The following RPS19 variants were observed in gnomAD, a reference collection of about 807,000 sequenced individuals.
RPS19 encodes the protein ribosomal protein S19.
Under a neutral mutation model 20.3 loss-of-function variants are expected in RPS19, and 1 was observed. That is an observed-to-expected ratio of 0.05 (90% CI 0.02 to 0.23). The LOEUF (loss-of-function observed/expected upper bound fraction) is 0.23, where lower values mean the gene tolerates loss of function less well. Ranked by LOEUF, RPS19 falls within the 10% of genes least tolerant of loss-of-function variation. RPS19 has a pLI of 1.00. For synonymous variants in RPS19, 87 were observed against 74.8 expected (o/e 1.16, Z -0.84); for missense variants, 111 against 192.7 (o/e 0.58, Z 2.51).
chr19:41,861,063 A>C, intron 2 of RPS19, 49 bp from the exon 3 acceptor site: 1 of 1,395,270 alleles, frequency 7.2e-7, no homozygotes, highest in Non-Finnish European at 1.0e-6. Context: ...GATATGGGGT[A>C]GTTTGTGGAG....
Position 41,871,422 on chromosome 19 carries a change from G to T in RPS19, c.*45G>T, listed in dbSNP as rs923038070. ...ATAAATTGCCTCATTCGTAATCCTG[G>T]TCTGGGTCTCTTTTTTGAGTCTCTT... On this transcript the variant is annotated 3_prime_UTR_variant, in exon 6 of 6. Transcript: ENST00000598742. 5 of 1,584,254 alleles carry T rather than the reference G, an allele frequency of 3.2e-6. No homozygotes were observed. Among genetic ancestry groups the T allele is most frequent in the Non-Finnish European group, 3.5e-6 (4 of 1,153,994 alleles).
intron 3 of RPS19, chr19:41,863,802 G>A (rs2074057087): frequency 6.6e-6 from 1 of 151,468 alleles, no homozygotes; most frequent in South Asian, 2.1e-4. Flanking sequence ...GCCGCCATGG[G>A]TCTTTATGAA....
rs542269162 is a variant in RPS19, at chr19:41,871,236, C to T, written c.412-115C>T. On this transcript the variant is annotated intron_variant, in intron 5 of 5. Transcript: ENST00000598742. ...CAGTGAGAATTAGATGAGATAGATGCATTTGAAACCACAAATCGGGGTGCC... is the reference window on the plus strand; with the variant it reads ...CAGTGAGAATTAGATGAGATAGATGTATTTGAAACCACAAATCGGGGTGCC... 4.7e-6 allele frequency: 4 copies of T among 846,334 alleles called. No individual in the cohort carries two copies. The African/African-American group carries it at 5.0e-5, about 11-fold the overall frequency. The allele number at this position is 846,334 out of a possible 1,614,324, so 52.4% of individuals were successfully genotyped here. A position where few individuals can be genotyped will look rare whatever the true frequency, so the allele number is the denominator to read the frequency against.
chr19:41,861,044 G>A lies in RPS19; in HGVS notation c.72-68G>A. 6.4e-6 allele frequency: 8 copies of A among 1,245,752 alleles called. No homozygotes were observed. In the South Asian group the frequency reaches 9.6e-5, roughly 15 times the overall value. The allele number at this position is 1,245,752 out of a possible 1,614,324, so 77.2% of individuals were successfully genotyped here. The stretch of plus-strand genomic sequence containing the variant: ...CACAGCATAGTTGTGTTGAGGGGAG[G>A]GCATTTGGGATATGGGGTAGTTTGT... On this transcript the variant is annotated intron_variant, in intron 2 of 5. Transcript: ENST00000598742.
chr19:41,872,850 G>A lies in RPS19; in HGVS notation c.*1473G>A, dbSNP rs1275100037. ...GCGGAGGTTGCAGTGGGTTGAGATC[G>A]AGCAATTGCAATCCAGCCTGGGCAA... On this transcript the variant is annotated 3_prime_UTR_variant, in exon 6 of 6. Transcript: ENST00000598742. 2 of 152,150 alleles carry A rather than the reference G, an allele frequency of 1.3e-5. No individual in the cohort carries two copies. The highest frequency in any genetic ancestry group is 1.9e-4 in the East Asian group (1 of 5,202). The allele number at this position is 152,150 out of a possible 1,614,324, so 9.4% of individuals were successfully genotyped here.
rs550885885 is a variant in RPS19 at position 41,870,676 on chromosome 19, A to G, written c.412-675A>G. 9.2e-5 allele frequency among the ~76,000 whole-genome samples: 14 copies of G among 152,000 alleles called. No homozygotes were observed. The South Asian group carries it at 1.2e-3, about 14-fold the overall frequency. ...GAGCCTTGGAGCATTTAGTCAGTCA[A>G]GTGTCACAAAAGAATGGAAAGTGTC... is the stretch of plus-strand genomic sequence containing the variant. On this transcript the variant is annotated intron_variant, in intron 5 of 5. Transcript: ENST00000598742.
Position 41,860,779 on chromosome 19 carries a change from C to T in RPS19, c.5C>T (p.Pro2Leu), listed in dbSNP as rs781815831. The T allele has an allele frequency of 1.1e-5, 17 of 1,613,316 alleles. 1 individual carries two copies. The highest frequency in any genetic ancestry group is 1.6e-4 in the Middle Eastern group (1 of 6,080). Residue 2 changes from proline to leucine, a missense_variant, in exon 2 of 6, where the codon CCT becomes CTT. Transcript: ENST00000598742. ...ATGCTTGACTTTCTCCCTCAGATGC[C>T]TGGAGTTACTGTAAAAGACGTGAAC... M[P>L]GVTVKDVNQQ...
At chr19:41,864,217 G>A (rs2074061672) in intron 3 of RPS19, 1 of 152,278 alleles carries the variant, frequency 6.6e-6, no homozygotes, top group Non-Finnish European at 1.5e-5. Flanking sequence ...TTGGTGTCCT[G>A]GTGTGCGTCT....
At position 41,865,281 on chromosome 19, in the gene RPS19, C is replaced by G. The variant is rs188047660; in HGVS notation, c.173-3750C>G. Among the ~76,000 whole-genome samples, 68 of 151,760 alleles carry G rather than the reference C, an allele frequency of 4.5e-4. 2 individuals are homozygous for G. In the Middle Eastern group the frequency reaches 0.014, roughly 30 times the overall value. On this transcript the variant is annotated intron_variant, in intron 3 of 5. Transcript: ENST00000598742. The stretch of plus-strand genomic sequence containing the variant: ...TGGGGAGGCTGAGACAGAAGAATTG[C>G]TTGAACCCCGGAGGCAGAGGTTGCA...
chr19:41,866,397 T>C (rs528021021), intron 3 of RPS19, among the ~76,000 whole-genome samples: 1 of 152,318 alleles, frequency 6.6e-6, no homozygotes, highest in East Asian at 1.9e-4. Context: ...CAGCAGCTGC[T>C]GGGTATTTGA....
At chr19:41,861,026 T>C in intron 2 of RPS19, 86 bp from the exon 3 acceptor site, 1 of 1,139,162 alleles carries the variant, frequency 8.8e-7, no homozygotes, top group South Asian at 1.2e-5. Context: ...GGGCACAGCA[T>C]AGTTGTGTTG....
At chr19:41,862,413 G>A (rs2074041476) in intron 3 of RPS19, among the ~76,000 whole-genome samples, 1 of 152,094 alleles carries the variant, frequency 6.6e-6, no homozygotes, top group Admixed American at 6.6e-5. Flanking sequence ...CAGAAAATGG[G>A]GCGGATGAAG....
chr19:41,863,042 G>A (rs1045193467), intron 3 of RPS19, among the ~76,000 whole-genome samples: 5 of 152,156 alleles, frequency 3.3e-5, no homozygotes, highest in African/African-American at 1.2e-4. Flanking sequence ...TTTATTTTCA[G>A]GGACAGGGTC....
chr19:41,869,722 G>T lies in RPS19; in HGVS notation c.380G>T (p.Gly127Val). 6.2e-7 allele frequency: 1 copy of T among 1,614,148 alleles called. No homozygotes were observed. Among genetic ancestry groups the T allele is most frequent in the South Asian group, 1.1e-5 (1 of 91,082 alleles). ...QDGGRKLTPQ[G>V]QRDLDRIAGQ... ...AGCGGCCGCAAACTGACACCTCAGG[G>T]ACAAAGAGATCTGGACAGAATCGCC... Residue 127 changes from glycine to valine, a missense_variant, in exon 5 of 6, where the codon GGA becomes GTA. Transcript: ENST00000598742.
chr19:41,871,221 TAGATG>T (rs1555841949), intron 5 of RPS19, 125 bp from the exon 6 acceptor site: 7 of 807,656 alleles, frequency 8.7e-6, no homozygotes, highest in Non-Finnish European at 1.6e-5. Context: ...CAGTGAGAAT[TAGATG>T]AGATAGATGC....
rs936767674 is a variant in RPS19, at chr19:41,863,372, T to C, written c.172+2160T>C. On this transcript the variant is annotated intron_variant, in intron 3 of 5. Coordinates refer to ENST00000598742, the MANE Select transcript of RPS19 (RefSeq NM_001022.4). ...ACTGATCATGGGAGTGATCTTGTTT[T>C]ACCAAAGAGGAAGCTGTGGTGCAGA... is the stretch of plus-strand genomic sequence containing the variant. 4.6e-5 allele frequency among the ~76,000 whole-genome samples: 7 copies of C among 152,332 alleles called. No homozygotes were observed. In the East Asian group the frequency reaches 1.3e-3, roughly 29 times the overall value.
chr19:41,863,010 T>C (rs1432897093), intron 3 of RPS19, among the ~76,000 whole-genome samples: 1 of 152,170 alleles, frequency 6.6e-6, no homozygotes, highest in African/African-American at 2.4e-5. Flanking sequence ...GCCTGAAATA[T>C]TTCCTACCTG....
At position 41,861,143 on chromosome 19, in the gene RPS19, G is replaced by A. The variant is rs1568789006; in HGVS notation, c.103G>A (p.Asp35Asn). Residue 35 changes from aspartate (D) to asparagine (N), a missense_variant, in exon 3 of 6, where the codon GAT becomes AAT. By Grantham distance (23) the Asp-to-Asn change is conservative (BLOSUM62 1). Coordinates refer to ENST00000598742, the MANE Select transcript of RPS19 (RefSeq NM_001022.4). Reference sequence around the variant, plus strand: ...GAAGCTGAAAGTCCCCGAATGGGTGGATACCGTCAAGCTGGCCAAGCACAA... The same window carrying A: ...GAAGCTGAAAGTCCCCGAATGGGTGAATACCGTCAAGCTGGCCAAGCACAA... ...SGKLKVPEWVDTVKLAKHKEL... is the reference protein window; with the variant it reads ...SGKLKVPEWVNTVKLAKHKEL... The A allele has an allele frequency of 1.2e-6, 2 of 1,614,118 alleles. No individual in the cohort carries two copies. The highest frequency in any genetic ancestry group is 1.7e-6 in the Non-Finnish European group (2 of 1,180,024).
intron 3 of RPS19, among the ~76,000 whole-genome samples, chr19:41,866,133 G>A (rs1337899919): frequency 1.3e-5 from 2 of 151,630 alleles, no homozygotes; most frequent in African/African-American, 4.9e-5. Context: ...TGTGCCTGTA[G>A]TCCCAGCTAC....
Sources: gnomAD v4.1 joint callset for allele counts (sites outside exome capture counted in the v4.1 genomes callset) on GRCh38, gnomAD v4.1.1 for gene constraint, MANE v1.5 for transcripts, NCBI Gene and HGNC (gene_info 2026-07-23, HGNC 2026-07-21) for gene names.